The following MYO16 variants were observed in gnomAD, a reference collection of about 807,000 sequenced individuals.
The protein encoded by MYO16 is myosin XVI.
In MYO16, 94 loss-of-function variants were observed where a neutral mutation model predicts 205.3. The observed-to-expected ratio is 0.46, with a 90% CI of 0.39 to 0.54. The LOEUF (loss-of-function observed/expected upper bound fraction) is 0.54. Ranked by LOEUF, MYO16 falls within the 20% of genes least tolerant of loss-of-function variation. The probability of loss-of-function intolerance (pLI) is 0.00; values close to 1 mark genes in which losing one functional copy is unlikely to be tolerated. For missense variants in MYO16, 2,315 were observed against 2,387.5 expected (o/e 0.97, Z 0.63); for synonymous variants, 988 against 954.0 (o/e 1.04, Z -0.66).
chr13:108,758,351 C>T (rs1016961608), intron 4 of MYO16, among the ~76,000 whole-genome samples: 3 of 151,918 alleles, frequency 2.0e-5, no homozygotes, highest in Admixed American at 6.6e-5. Context: ...TGGATTTGCC[C>T]GAGGTATGTG....
At chr13:108,898,186 C>A in intron 15 of MYO16, 53 bp downstream of exon 15, 1 of 1,361,560 alleles carries the variant, frequency 7.3e-7, no homozygotes, top group Non-Finnish European at 1.1e-6. Flanking sequence ...AGCATGCGAC[C>A]ACGTCACACA....
At chr13:108,577,910 C>G in the MYO16 span, among the ~76,000 whole-genome samples, 1 of 152,166 alleles carries the variant, frequency 6.6e-6, no homozygotes, top group African/African-American at 2.4e-5. Flanking sequence ...TTTCATTCCA[C>G]TTGAGGAGTT....
At chr13:108,529,932 T>G in the MYO16 span, among the ~76,000 whole-genome samples, 1 of 152,154 alleles carries the variant, frequency 6.6e-6, no homozygotes, top group South Asian at 2.1e-4. Context: ...GGGATTTGAT[T>G]GAAGAATATT....
At chr13:108,762,945 T>G (rs987263729) in intron 4 of MYO16, among the ~76,000 whole-genome samples, 1 of 118,760 alleles carries the variant, frequency 8.4e-6, no homozygotes, top group Non-Finnish European at 1.9e-5. Flanking sequence ...ACTTCTGGAT[T>G]AACATAAACA....
chr13:108,580,619 T>C, the MYO16 span, among the ~76,000 whole-genome samples: 1 of 152,230 alleles, frequency 6.6e-6, no homozygotes, highest in South Asian at 2.1e-4. Flanking sequence ...TTTAGTTAAA[T>C]TTAAACTATA....
At chr13:108,640,961 C>A (rs115526058) in intron 1 of MYO16, among the ~76,000 whole-genome samples, 2,518 of 152,286 alleles carry the variant, frequency 0.017, 65 homozygotes, top group African/African-American at 0.058. Flanking sequence ...CTGTTCCAAA[C>A]CACAGTTCAG....
intron 1 of MYO16, among the ~76,000 whole-genome samples, chr13:108,610,757 G>C (rs954912156): frequency 8.5e-5 from 13 of 152,230 alleles, no homozygotes; most frequent in Non-Finnish European, 1.8e-4. Context: ...TGACAAGGAA[G>C]AGGTGACCTT....
At chr13:109,081,864 G>A (rs1403964865) in intron 27 of MYO16, among the ~76,000 whole-genome samples, 7 of 152,172 alleles carry the variant, frequency 4.6e-5, no homozygotes, top group African/African-American at 1.7e-4. Flanking sequence ...CTAATAACGT[G>A]ATTGTATTTT....
At chr13:108,649,614 G>A (rs889909331) in intron 1 of MYO16, among the ~76,000 whole-genome samples, 6 of 152,168 alleles carry the variant, frequency 3.9e-5, no homozygotes, top group Admixed American at 2.0e-4. Flanking sequence ...AATAAGCAAG[G>A]TAGAACCATT....
intron 4 of MYO16, among the ~76,000 whole-genome samples, chr13:108,733,936 T>C (rs1884606926): frequency 6.6e-6 from 1 of 152,142 alleles, no homozygotes; most frequent in Non-Finnish European, 1.5e-5. Context: ...GCCATTGCAC[T>C]CCAGCCTGGG....
chr13:108,687,691 A>G (rs2139485253), intron 2 of MYO16, among the ~76,000 whole-genome samples: 1 of 152,372 alleles, frequency 6.6e-6, no homozygotes, highest in Non-Finnish European at 1.5e-5. Flanking sequence ...ACAAGGGCGA[A>G]TGTAAATTCC....
At chr13:109,079,784 A>G (rs1202493863) in intron 27 of MYO16, among the ~76,000 whole-genome samples, 1 of 151,998 alleles carries the variant, frequency 6.6e-6, no homozygotes, top group Non-Finnish European at 1.5e-5. Flanking sequence ...AATAAAATAA[A>G]TTGCCCCTGG....
intron 4 of MYO16, among the ~76,000 whole-genome samples, chr13:108,766,328 G>A (rs1594277215): frequency 6.6e-6 from 1 of 152,150 alleles, no homozygotes; most frequent in Admixed American, 6.5e-5. Context: ...ATGTTCATTT[G>A]CTGCTGGTTA....
intron 2 of MYO16, among the ~76,000 whole-genome samples, chr13:108,687,864 A>G (rs1376069706): frequency 6.6e-6 from 1 of 152,240 alleles, no homozygotes; most frequent in Non-Finnish European, 1.5e-5. Flanking sequence ...ATATAATTTG[A>G]GAGCCTTGGT....
chr13:108,621,413 A>T (rs1033908987), intron 1 of MYO16, among the ~76,000 whole-genome samples: 17 of 152,124 alleles, frequency 1.1e-4, no homozygotes, highest in Non-Finnish European at 2.4e-4. Flanking sequence ...ATATCTAGAA[A>T]TTTCCATTTA....
At chr13:108,950,915 C>A (rs1883121671) in intron 16 of MYO16, among the ~76,000 whole-genome samples, 1 of 152,110 alleles carries the variant, frequency 6.6e-6, no homozygotes, top group African/African-American at 2.4e-5. Context: ...AACTGTGCTC[C>A]CAGTTTTTGA....
intron 2 of MYO16, among the ~76,000 whole-genome samples, chr13:108,708,756 A>T (rs1883611891): frequency 6.6e-6 from 1 of 152,196 alleles, no homozygotes; most frequent in Non-Finnish European, 1.5e-5. Context: ...ACACTAGCTA[A>T]TGGGGTCTCC....
At chr13:108,575,803 C>T in the MYO16 span, among the ~76,000 whole-genome samples, 1 of 152,244 alleles carries the variant, frequency 6.6e-6, no homozygotes, top group South Asian at 2.1e-4. Context: ...TTCTGTCTTT[C>T]CCAGCCCTGT....
In MYO16 at chr13:108,882,707, A is replaced by T. The variant is rs551933290; in HGVS notation, c.1426-352A>T. ...GGCTATCTTATGGTATTGAAATTAA[A>T]TACTGCTGAGAGAAATTGTATTTGT... On this transcript the variant is annotated intron_variant, in intron 12 of 34. Coordinates refer to ENST00000457511, the MANE Select transcript of MYO16 (RefSeq NM_001198950.3). 2.1e-4 allele frequency among the ~76,000 whole-genome samples: 32 copies of T among 152,336 alleles called. 1 individual carries two copies. The East Asian group carries it at 4.8e-3, about 23-fold the overall frequency.
Sources: allele counts gnomAD v4.1 joint callset (sites outside exome capture counted in the v4.1 genomes callset), GRCh38; gene constraint gnomAD v4.1.1; transcripts MANE v1.5; gene names NCBI Gene and HGNC (gene_info 2026-07-23, HGNC 2026-07-21).